CD276: variants seen among roughly 807,000 people sequenced by gnomAD.
CD276 encodes the protein CD276 molecule, also known as CD276 antigen.
CD276 carries 34 observed loss-of-function variants against 50.0 expected under a neutral mutation model. The ratio of observed to expected loss-of-function variants is 0.68; its 90% CI spans 0.52 to 0.91. The LOEUF is 0.91. CD276 is among the 40% of genes least tolerant of loss of function. The probability of loss-of-function intolerance (pLI) is 0.00; values close to 1 mark genes in which losing one functional copy is unlikely to be tolerated. For synonymous variants in CD276, 275 were observed against 313.0 expected, an observed-to-expected ratio of 0.88 and a Z score of 1.28; for missense variants, 634 against 717.5, an observed-to-expected ratio of 0.88 and a Z score of 1.33.
rs1900526497 is a variant in CD276, at chr15:73,703,860, C to T, written c.935C>T (p.Ala312Val). 1 of 1,613,670 alleles carries T rather than the reference C, an allele frequency of 6.2e-7. No homozygotes were observed. Among genetic ancestry groups the T allele is most frequent in the Non-Finnish European group, 8.5e-7 (1 of 1,180,008 alleles). ...DQGSAYANRT[A>V]LFPDLLAQGN... ...GGCAGCGCCTATGCCAACCGCACGG[C>T]CCTCTTCCCGGACCTGCTGGCACAA... Residue 312 changes from alanine to valine, a missense_variant, in exon 5 of 10, where the codon GCC (alanine) becomes GTC (valine). By Grantham distance (64) the Ala-to-Val change is moderately conservative (BLOSUM62 0). Transcript: ENST00000318443.
In CD276 at chr15:73,702,290, G is replaced by A; in HGVS notation, c.115G>A (p.Val39Met). ...GGTCCAGGTCCCTGAAGACCCAGTG[G>A]TGGCACTGGTGGGCACCGATGCCAC... Reference protein sequence around the residue: ...LEVQVPEDPVVALVGTDATLC... With the variant: ...LEVQVPEDPVMALVGTDATLC... Residue 39 changes from valine to methionine, a missense_variant, in exon 3 of 10, where the codon GTG becomes ATG. Transcript: ENST00000318443. 1.9e-6 allele frequency: 3 copies of A among 1,612,778 alleles called. No individual in the cohort carries two copies. The highest frequency in any genetic ancestry group is 2.5e-6 in the Non-Finnish European group (3 of 1,179,718).
intron 2 of CD276, among the ~76,000 whole-genome samples, chr15:73,700,405 T>C (rs1235650777): frequency 6.6e-6 from 1 of 152,180 alleles, no homozygotes; most frequent in African/African-American, 2.4e-5. Context: ...GCTTCCTCCG[T>C]GGGGAAGACA....
intron 1 of CD276, among the ~76,000 whole-genome samples, chr15:73,698,300 T>G (rs1286584799): frequency 6.6e-6 from 1 of 152,212 alleles, no homozygotes; most frequent in Non-Finnish European, 1.5e-5. Context: ...CCTAGTCGCC[T>G]CCTAAAACTC....
At chr15:73,712,811 C>A in intron 9 of CD276, 123 bp from the exon 10 acceptor site, 1 of 1,004,766 alleles carries the variant, frequency 1.0e-6, no homozygotes, top group Non-Finnish European at 1.5e-6. Context: ...GCTGCTGTCT[C>A]ACACACACTC....
chr15:73,711,250 A>G, intron 9 of CD276, 80 bp downstream of exon 9: 1 of 1,476,132 alleles, frequency 6.8e-7, no homozygotes, highest in Non-Finnish European at 9.4e-7. Flanking sequence ...GGTAGGCATC[A>G]TCCTTTCACT....
intron 8 of CD276, 34 bp from the exon 9 acceptor site, chr15:73,711,101 C>T (rs749116416): frequency 1.9e-6 from 3 of 1,613,516 alleles, no homozygotes; most frequent in South Asian, 2.2e-5. Context: ...CCCATGGTTC[C>T]TCCCTCACCG....
chr15:73,710,560 C>T (rs574959328), intron 8 of CD276, among the ~76,000 whole-genome samples: 4 of 152,352 alleles, frequency 2.6e-5, no homozygotes, highest in African/African-American at 9.6e-5. Flanking sequence ...CCCTCCCCAC[C>T]CCCGCAGAAG....
intron 1 of CD276, among the ~76,000 whole-genome samples, chr15:73,695,903 G>T (rs549643794): frequency 6.6e-6 from 1 of 152,344 alleles, no homozygotes; most frequent in African/African-American, 2.4e-5. Flanking sequence ...AGTGATGTGG[G>T]TGATTATGGT....
In CD276 at chr15:73,703,101, A is replaced by G. The variant is rs764983992; in HGVS notation, c.733+15A>G. On this transcript the variant is annotated intron_variant, in intron 4 of 9. Coordinates refer to ENST00000318443, the MANE Select transcript of CD276 (RefSeq NM_001024736.2). The stretch of plus-strand genomic sequence containing the variant: ...AAGCCCCACAGGTTGCTTTGCTTAA[A>G]TGTCCCCTTGGGGGAGGGGGGTTCT... 5.1e-6 allele frequency: 8 copies of G among 1,564,414 alleles called. No homozygotes were observed. Among genetic ancestry groups the G allele is most frequent in the Non-Finnish European group, 6.1e-6 (7 of 1,151,988 alleles).
At position 73,704,460 on chromosome 15, in the gene CD276, G is replaced by A. The variant is rs1900569724; in HGVS notation, c.1357G>A (p.Val453Ile). 1.2e-6 allele frequency: 2 copies of A among 1,613,092 alleles called. No homozygotes were observed. The highest frequency in any genetic ancestry group is 1.3e-5 in the African/African-American group (1 of 75,064). ...PVLQQDAHGS[V>I]TITGQPMTFP... ...GCTGCAGCAGGATGCGCACGGCTCT[G>A]TCACCATCACAGGTAAGGGCAGATG... Residue 453 changes from valine to isoleucine, a missense_variant, in exon 6 of 10, where the codon GTC becomes ATC. Transcript: ENST00000318443. The surrounding 1 kb of genome is among the most constrained non-coding windows in gnomAD (Gnocchi z 4.1).
intron 1 of CD276, among the ~76,000 whole-genome samples, chr15:73,691,031 A>G (rs1452881844): frequency 7.1e-6 from 1 of 141,142 alleles, no homozygotes; most frequent in African/African-American, 2.5e-5. Context: ...TGGAGAACAG[A>G]ATTGGGTGGG....
rs1208533764 is a variant in CD276, at chr15:73,687,538, G to A, written c.-55+3078G>A. Among the ~76,000 whole-genome samples, 1 of 152,200 alleles carries A rather than the reference G, an allele frequency of 6.6e-6. No homozygotes were observed. The highest frequency in any genetic ancestry group is 1.5e-5 in the Non-Finnish European group (1 of 68,024). On this transcript the variant is annotated intron_variant, in intron 1 of 9. Transcript: ENST00000318443. The surrounding 1 kb of genome is among the most constrained non-coding windows in gnomAD (Gnocchi z 4.0). The stretch of plus-strand genomic sequence containing the variant: ...ATCTGGGGAACCAGAGAAGGGGCAG[G>A]CCTGACCTGGGTGACCCAGTGACTA...
At chr15:73,709,508 C>G in intron 7 of CD276, 140 bp from the exon 8 acceptor site, 1 of 792,834 alleles carries the variant, frequency 1.3e-6, no homozygotes, top group Non-Finnish European at 2.2e-6. Flanking sequence ...CGGGCTCTAA[C>G]CCGTGTCTAG....
Position 73,709,737 on chromosome 15 carries a change from T to C in CD276, c.1546+48T>C, listed in dbSNP as rs201294636. ...CCCTCTTGGCTGGGAGAGGGACATATGGGAAAGGAGAGAGGACTCTAGGAT... is the reference window on the plus strand; with the variant it reads ...CCCTCTTGGCTGGGAGAGGGACATACGGGAAAGGAGAGAGGACTCTAGGAT... On this transcript the variant is annotated intron_variant, in intron 8 of 9. Transcript: ENST00000318443. The C allele has an allele frequency of 3.0e-4, 476 of 1,582,632 alleles. 2 individuals are homozygous for C. In the African/African-American group the frequency reaches 4.9e-3, roughly 16 times the overall value.
chr15:73,687,838 G>A lies in CD276; in HGVS notation c.-55+3378G>A, dbSNP rs1335047697. ...GAGTGAGAAGCATTTCTTGCTGGGA[G>A]CCTTGGAGCAGGGAGAGATACTGTC... On this transcript the variant is annotated intron_variant, in intron 1 of 9. Transcript: ENST00000318443. This position sits in a 1 kb window ranked among gnomAD's most constrained non-coding sequence, Gnocchi z 4.0. Among the ~76,000 whole-genome samples, 2 of 152,216 alleles carry A rather than the reference G, an allele frequency of 1.3e-5. No individual in the cohort carries two copies. Among genetic ancestry groups the A allele is most frequent in the Non-Finnish European group, 2.9e-5 (2 of 68,038 alleles).
chr15:73,711,217 G>A, intron 9 of CD276, 47 bp downstream of exon 9: 1 of 1,589,190 alleles, frequency 6.3e-7, no homozygotes, highest in East Asian at 2.2e-5. Context: ...GCACACATCT[G>A]TGTGTGAGAG....
Position 73,703,998 on chromosome 15 carries a change from G to A in CD276, c.1072+1G>A, listed in dbSNP as rs1900536379. The A allele has an allele frequency of 6.2e-7, 1 of 1,607,598 alleles. No individual in the cohort carries two copies. Among genetic ancestry groups the A allele is most frequent in the Non-Finnish European group, 8.5e-7 (1 of 1,177,770 alleles). The stretch of plus-strand genomic sequence containing the variant: ...GCTGCCGTCAGCCTGCAGGTGGCCG[G>A]TGAGCACCAGGAGGGCGACGCCTTC... On this transcript the variant is annotated splice_donor_variant, in intron 5 of 9. Coordinates refer to ENST00000318443, the MANE Select transcript of CD276 (RefSeq NM_001024736.2). LOFTEE classifies it high-confidence loss of function.
intron 8 of CD276, among the ~76,000 whole-genome samples, chr15:73,709,949 T>G (rs1218487173): frequency 6.6e-6 from 1 of 152,162 alleles, no homozygotes; most frequent in African/African-American, 2.4e-5. Flanking sequence ...TCCACCTGAT[T>G]GGCCCCACAC....
chr15:73,691,902 C>CT (rs1332027049), intron 1 of CD276, among the ~76,000 whole-genome samples: 1 of 152,104 alleles, frequency 6.6e-6, no homozygotes, highest in East Asian at 1.9e-4. Context: ...ATTGCCTGTC[C>CT]TGGTGTGGGG....
Sources: allele counts gnomAD v4.1 joint callset (sites outside exome capture counted in the v4.1 genomes callset), GRCh38; gene constraint gnomAD v4.1.1; non-coding constraint Gnocchi (gnomAD v3.1); transcripts MANE v1.5; gene names NCBI Gene and HGNC (gene_info 2026-07-23, HGNC 2026-07-21).